DDR2: variants seen among roughly 807,000 people sequenced by gnomAD.
The protein encoded by DDR2 is discoidin domain receptor tyrosine kinase 2, also known as discoidin domain-containing receptor 2.
In DDR2, 27 loss-of-function variants were observed where a neutral mutation model predicts 94.9. That is an observed-to-expected ratio of 0.28 (90% CI 0.21 to 0.39). DDR2 has a LOEUF of 0.39. DDR2 is among the 10% of genes least tolerant of loss of function. DDR2 has a pLI of 1.00. For synonymous variants in DDR2, 382 were observed against 377.2 expected, an observed-to-expected ratio of 1.01 and a Z score of -0.15; for missense variants, 783 against 1,076.0, an observed-to-expected ratio of 0.73 and a Z score of 3.81.
At chr1:162,689,847 A>G (rs1388092768) in intron 2 of DDR2, among the ~76,000 whole-genome samples, 1 of 133,080 alleles carries the variant, frequency 7.5e-6, no homozygotes, top group African/African-American at 2.7e-5. Flanking sequence ...CTACTTAAAA[A>G]AAAAAAAAAA....
chr1:162,678,716 C>T lies in DDR2; in HGVS notation c.-28+23342C>T, dbSNP rs552863421. Among the ~76,000 whole-genome samples the T allele has an allele frequency of 2.0e-5, 3 of 152,270 alleles. No homozygotes were observed. In the South Asian group the frequency reaches 6.2e-4, roughly 32 times the overall value. On this transcript the variant is annotated intron_variant, in intron 2 of 17. Transcript: ENST00000367921. ...TGTATCTTCCCGTAAAACCGTCTGTCCTCACAAAGTGGCACAATTTCTAAG... is the reference window on the plus strand; with the variant it reads ...TGTATCTTCCCGTAAAACCGTCTGTTCTCACAAAGTGGCACAATTTCTAAG...
At chr1:162,720,292 T>C (rs1571240186) in intron 3 of DDR2, among the ~76,000 whole-genome samples, 1 of 152,280 alleles carries the variant, frequency 6.6e-6, no homozygotes, top group East Asian at 1.9e-4. Context: ...AGAAGCTCTC[T>C]TCATGCTCCC....
chr1:162,715,228 C>T lies in DDR2; in HGVS notation c.-27-3809C>T, dbSNP rs16843850. The stretch of plus-strand genomic sequence containing the variant: ...CACTCTGGTAGTGTTGAGACTACAA[C>T]AACGAATAAAATGAACATGGAGCTT... On this transcript the variant is annotated intron_variant, in intron 2 of 17. Transcript: ENST00000367921. Among the ~76,000 whole-genome samples, 1,165 of 152,056 alleles carry T rather than the reference C, an allele frequency of 7.7e-3. 19 individuals are homozygous for T. Among genetic ancestry groups the T allele is most frequent in the East Asian group, 0.035 (179 of 5,180 alleles).
At position 162,780,508 on chromosome 1, in the gene DDR2, A is replaced by G. The variant is rs1647847655; in HGVS notation, c.*262A>G. On this transcript the variant is annotated 3_prime_UTR_variant, in exon 18 of 18. Coordinates refer to ENST00000367921, the MANE Select transcript of DDR2 (RefSeq NM_006182.4). ...TCTAGTAAAAGAAAATCTTTGATAT[A>G]CCAAAGTGTTGGATAACAAAGGCTA... The G allele has an allele frequency of 2.3e-6, 1 of 442,976 alleles. No individual in the cohort carries two copies. Among genetic ancestry groups the G allele is most frequent in the African/African-American group, 2.0e-5 (1 of 50,850 alleles). 27.4% of individuals were successfully genotyped at this position (442,976 alleles called of 1,614,324 possible).
At chr1:162,675,802 G>C (rs1659097870) in intron 2 of DDR2, among the ~76,000 whole-genome samples, 1 of 152,166 alleles carries the variant, frequency 6.6e-6, no homozygotes, top group African/African-American at 2.4e-5. Context: ...GCAGAAAAGA[G>C]GATGGTTTGG....
rs199644864 is a variant in DDR2 at position 162,780,262 on chromosome 1, G to A, written c.*16G>A. 559 of 1,613,404 alleles carry A rather than the reference G, an allele frequency of 3.5e-4. 1 individual carries two copies. The highest frequency in any genetic ancestry group is 5.0e-4 in the Middle Eastern group (3 of 6,060). Reference sequence around the variant, plus strand: ...CGACGAGTGATGCTGTCAGTGCCTGGCCATGTTCCTACGGCTCAGGTCCTC... The same window carrying A: ...CGACGAGTGATGCTGTCAGTGCCTGACCATGTTCCTACGGCTCAGGTCCTC... On this transcript the variant is annotated 3_prime_UTR_variant, in exon 18 of 18. Coordinates refer to ENST00000367921, the MANE Select transcript of DDR2 (RefSeq NM_006182.4).
chr1:162,675,487 C>G (rs1207179166), intron 2 of DDR2, among the ~76,000 whole-genome samples: 1 of 152,136 alleles, frequency 6.6e-6, no homozygotes, highest in Non-Finnish European at 1.5e-5. Flanking sequence ...GGCCTGTAGC[C>G]TGGAGGTGGC....
Position 162,687,590 on chromosome 1 carries a change from C to T in DDR2, c.-27-31447C>T, listed in dbSNP as rs546241082. On this transcript the variant is annotated intron_variant, in intron 2 of 17. Transcript: ENST00000367921. ...TCTAATGTTGGAGCCAGTAGCCCTG[C>T]GTGTTCTCATCCCAGTTTTGATTAT... Among the ~76,000 whole-genome samples the T allele has an allele frequency of 1.2e-3, 181 of 152,274 alleles. 1 individual carries two copies. Among genetic ancestry groups the T allele is most frequent in the Admixed American group, 3.7e-3 (56 of 15,298 alleles).
At chr1:162,683,170 G>A (rs375394841) in intron 2 of DDR2, among the ~76,000 whole-genome samples, 8 of 151,748 alleles carry the variant, frequency 5.3e-5, no homozygotes, top group Admixed American at 1.3e-4. Flanking sequence ...AAAAACTCTC[G>A]GCAAGTTAGG....
intron 2 of DDR2, among the ~76,000 whole-genome samples, chr1:162,658,995 C>T (rs187002911): frequency 1.7e-3 from 263 of 151,992 alleles, no homozygotes; most frequent in African/African-American, 6.1e-3. Context: ...AGGAGGGGAG[C>T]GGTCTAGAGA....
At chr1:162,717,584 C>G (rs1411802157) in intron 2 of DDR2, among the ~76,000 whole-genome samples, 2 of 152,078 alleles carry the variant, frequency 1.3e-5, no homozygotes, top group Admixed American at 6.6e-5. Context: ...CCTTAGGCAC[C>G]CTGAGCTGCG....
At position 162,773,609 on chromosome 1, in the gene DDR2, C is replaced by T; in HGVS notation, c.1856+13C>T. 1.2e-6 allele frequency: 2 copies of T among 1,613,692 alleles called. No homozygotes were observed. Among genetic ancestry groups the T allele is most frequent in the Non-Finnish European group, 1.7e-6 (2 of 1,179,700 alleles). On this transcript the variant is annotated intron_variant, in intron 14 of 17. Coordinates refer to ENST00000367921, the MANE Select transcript of DDR2 (RefSeq NM_006182.4). ...ACAAGAATGCCAGGTCTGTGGTCTA[C>T]ATTTTGAATTTTCCTTTAGGTATTT... is the stretch of plus-strand genomic sequence containing the variant.
chr1:162,744,656 T>C (rs1662764595), intron 3 of DDR2, among the ~76,000 whole-genome samples: 1 of 152,170 alleles, frequency 6.6e-6, no homozygotes, highest in Admixed American at 6.5e-5. Context: ...CCTAATGCTG[T>C]CCCTCCCCTA....
chr1:162,645,066 G>T (rs1406860810), intron 1 of DDR2, among the ~76,000 whole-genome samples: 1 of 152,186 alleles, frequency 6.6e-6, no homozygotes, highest in Non-Finnish European at 1.5e-5. Flanking sequence ...ATGGCCAAGG[G>T]CCTTATGGAA....
chr1:162,775,829 T>C lies in DDR2; in HGVS notation c.2034T>C (p.Asp678=), dbSNP rs2102196642. Residue 678 remains aspartate, a synonymous_variant, in exon 15 of 18, where the codon GAT becomes GAC. Coordinates refer to ENST00000367921, the MANE Select transcript of DDR2 (RefSeq NM_006182.4). ...RHEPPNSSSS[D]VRTVSYTNLK... Reference sequence around the variant, plus strand: ...AGCCCCCTAATTCTTCCTCCAGCGATGTACGCACTGTCAGGTAAACAAGCC... The same window carrying C: ...AGCCCCCTAATTCTTCCTCCAGCGACGTACGCACTGTCAGGTAAACAAGCC... 1 of 1,614,062 alleles carries C rather than the reference T, an allele frequency of 6.2e-7. No homozygotes were observed. Among genetic ancestry groups the C allele is most frequent in the Non-Finnish European group, 8.5e-7 (1 of 1,179,982 alleles).
At chr1:162,731,407 T>C (rs1662040949) in intron 3 of DDR2, among the ~76,000 whole-genome samples, 1 of 152,226 alleles carries the variant, frequency 6.6e-6, no homozygotes, top group Admixed American at 6.5e-5. Flanking sequence ...TATTTATTTA[T>C]TTATTTTTAT....
chr1:162,635,328 A>G (rs982174120), intron 1 of DDR2, among the ~76,000 whole-genome samples: 5 of 152,048 alleles, frequency 3.3e-5, no homozygotes, highest in Non-Finnish European at 5.9e-5. Flanking sequence ...CCATACATTC[A>G]TGTCACACCA....
At chr1:162,638,847 A>G (rs1357005473) in intron 1 of DDR2, among the ~76,000 whole-genome samples, 1 of 152,242 alleles carries the variant, frequency 6.6e-6, no homozygotes, top group African/African-American at 2.4e-5. Context: ...GACAGTTTAA[A>G]ATGGACATAA....
At chr1:162,772,341 C>A in intron 13 of DDR2, 94 bp downstream of exon 13, 1 of 1,237,008 alleles carries the variant, frequency 8.1e-7, no homozygotes, top group Non-Finnish European at 1.2e-6. Flanking sequence ...GGTGGATTCA[C>A]AACAGAATGT....
Sources: gnomAD v4.1 joint callset for allele counts (sites outside exome capture counted in the v4.1 genomes callset) on GRCh38, gnomAD v4.1.1 for gene constraint, MANE v1.5 for transcripts, NCBI Gene and HGNC (gene_info 2026-07-23, HGNC 2026-07-21) for gene names.